SUPT3H: variants seen among roughly 807,000 people sequenced by gnomAD.
The protein encoded by SUPT3H is SPT3 homolog, SAGA and STAGA complex component.
Under a neutral mutation model 44.3 loss-of-function variants are expected in SUPT3H, and 44 were observed. The observed-to-expected ratio is 0.99, with a 90% confidence interval of 0.78 to 1.28. The LOEUF (loss-of-function observed/expected upper bound fraction) is 1.28. Ranked by LOEUF, SUPT3H falls within the 50% of genes most tolerant of loss-of-function variation. SUPT3H has a pLI of 0.00. For missense variants in SUPT3H, 380 were observed against 387.1 expected (o/e 0.98, Z 0.15); for synonymous variants, 124 against 125.6 (o/e 0.99, Z 0.09).
intron 2 of SUPT3H, among the ~76,000 whole-genome samples, chr6:45,164,013 A>G (rs941680971): frequency 2.0e-5 from 3 of 152,174 alleles, no homozygotes; most frequent in Non-Finnish European, 4.4e-5. Flanking sequence ...TTTCATGATC[A>G]TTAACAAACA....
intron 1 of SUPT3H, among the ~76,000 whole-genome samples, chr6:45,368,209 T>C (rs1359129438): frequency 1.3e-5 from 2 of 152,194 alleles, no homozygotes; most frequent in African/African-American, 4.8e-5. Flanking sequence ...TGAATTCAGA[T>C]GTGCAGATTG....
At chr6:44,958,584 G>A (rs1268955154) in intron 7 of SUPT3H, among the ~76,000 whole-genome samples, 2 of 152,226 alleles carry the variant, frequency 1.3e-5, no homozygotes, top group East Asian at 1.9e-4. Flanking sequence ...CATATAAGGG[G>A]GGACCTGGCG....
intron 10 of SUPT3H, among the ~76,000 whole-genome samples, chr6:44,849,225 T>TAA: frequency 7.8e-6 from 1 of 128,624 alleles, no homozygotes; most frequent in South Asian, 3.3e-4. Flanking sequence ...GAATACTTTT[T>TAA]TTTTTTTTTT....
At chr6:45,258,447 G>A (rs1330791083) in intron 2 of SUPT3H, among the ~76,000 whole-genome samples, 2 of 152,134 alleles carry the variant, frequency 1.3e-5, no homozygotes, top group Non-Finnish European at 2.9e-5. Context: ...GGTAAATCTT[G>A]ATCAGTCAAA....
chr6:45,007,683 T>C (rs1782904220), intron 5 of SUPT3H, among the ~76,000 whole-genome samples: 1 of 152,090 alleles, frequency 6.6e-6, no homozygotes, highest in East Asian at 1.9e-4. Flanking sequence ...ACGTTCTGTC[T>C]TAGCTTCCTC....
chr6:45,126,821 C>A (rs892081079), intron 2 of SUPT3H, among the ~76,000 whole-genome samples: 10 of 152,018 alleles, frequency 6.6e-5, no homozygotes, highest in African/African-American at 2.4e-4. Context: ...ATAATAATTT[C>A]TAAAGTTTAA....
intron 2 of SUPT3H, among the ~76,000 whole-genome samples, chr6:45,238,237 G>A (rs111408318): frequency 1.3e-5 from 2 of 152,076 alleles, no homozygotes; most frequent in Non-Finnish European, 2.9e-5. Flanking sequence ...TGCAAAATTC[G>A]ATTTCTTGCA....
At chr6:45,107,364 A>G (rs1166136514) in intron 2 of SUPT3H, among the ~76,000 whole-genome samples, 2 of 152,204 alleles carry the variant, frequency 1.3e-5, no homozygotes, top group East Asian at 3.8e-4. Flanking sequence ...TGTGGGGACA[A>G]GAAAGGTAGG....
chr6:45,112,417 G>C (rs1482696329), intron 2 of SUPT3H, among the ~76,000 whole-genome samples: 1 of 151,892 alleles, frequency 6.6e-6, no homozygotes, highest in Non-Finnish European at 1.5e-5. Context: ...TAAAAAAAAA[G>C]GTGGGGGGTG....
intron 2 of SUPT3H, among the ~76,000 whole-genome samples, chr6:45,275,368 CA>C (rs1340473798): frequency 1.1e-4 from 17 of 152,138 alleles, no homozygotes; most frequent in African/African-American, 3.1e-4. Flanking sequence ...TTTACTTTAC[CA>C]TTTTTTTAGA....
Position 45,302,063 on chromosome 6 carries a change from G to C in SUPT3H, c.101+63138C>G, listed in dbSNP as rs570952594. On this transcript the variant is annotated intron_variant, in intron 2 of 10. Coordinates refer to ENST00000371459, the MANE Select transcript of SUPT3H (RefSeq NM_003599.4). ...GTTTACCTGGAGCCAGCATGATAAG[G>C]AAGTCCCCTCTGCGTCAATTGTATG... Among the ~76,000 whole-genome samples, 4 of 152,258 alleles carry C rather than the reference G, an allele frequency of 2.6e-5. No individual in the cohort carries two copies. The East Asian group carries it at 7.7e-4, about 29-fold the overall frequency.
At chr6:44,890,085 C>T (rs533575851) in intron 10 of SUPT3H, among the ~76,000 whole-genome samples, 5 of 151,414 alleles carry the variant, frequency 3.3e-5, no homozygotes, top group South Asian at 2.1e-4. Flanking sequence ...GTTAGAATGG[C>T]GATCATTAAA....
intron 2 of SUPT3H, among the ~76,000 whole-genome samples, chr6:45,334,128 T>C (rs1788068150): frequency 6.6e-6 from 1 of 151,254 alleles, no homozygotes; most frequent in Non-Finnish European, 1.5e-5. Flanking sequence ...TAATTATACA[T>C]TAGTTACATC....
chr6:45,360,790 C>G (rs1461878357), intron 2 of SUPT3H, among the ~76,000 whole-genome samples: 1 of 152,112 alleles, frequency 6.6e-6, no homozygotes, highest in Non-Finnish European at 1.5e-5. Flanking sequence ...AACAGACATT[C>G]CAGGAAGCGG....
At chr6:45,147,865 A>G (rs1806329758) in intron 2 of SUPT3H, among the ~76,000 whole-genome samples, 1 of 152,134 alleles carries the variant, frequency 6.6e-6, no homozygotes, top group Non-Finnish European at 1.5e-5. Context: ...CAATGAATGT[A>G]AGAGAAAGAA....
intron 2 of SUPT3H, among the ~76,000 whole-genome samples, chr6:45,262,658 G>C (rs1774570345): frequency 1.3e-5 from 2 of 152,090 alleles, no homozygotes. Flanking sequence ...TTGACAAGTG[G>C]AATCTAATTA....
chr6:45,236,441 TGAG>T (rs1769166847), intron 2 of SUPT3H, among the ~76,000 whole-genome samples: 1 of 152,054 alleles, frequency 6.6e-6, no homozygotes, highest in African/African-American at 2.4e-5. Context: ...ACACTGATGA[TGAG>T]GAGGAAGGAG....
chr6:45,006,561 A>C (rs1214182489), intron 5 of SUPT3H, among the ~76,000 whole-genome samples: 1 of 152,028 alleles, frequency 6.6e-6, no homozygotes, highest in Non-Finnish European at 1.5e-5. Context: ...AACAGTTTCC[A>C]TTATTATTTA....
At position 44,862,568 on chromosome 6, in the gene SUPT3H, T is replaced by C. The variant is rs528585461; in HGVS notation, c.913-32711A>G. ...GGCAGGCACCTGTAACCCCAGCTACTTGGGAGGCTGAGGCAGGGAGAATTG... is the reference window on the plus strand; with the variant it reads ...GGCAGGCACCTGTAACCCCAGCTACCTGGGAGGCTGAGGCAGGGAGAATTG... On this transcript the variant is annotated intron_variant, in intron 10 of 10. Coordinates refer to ENST00000371459, the MANE Select transcript of SUPT3H (RefSeq NM_003599.4). 8.6e-5 allele frequency among the ~76,000 whole-genome samples: 13 copies of C among 151,498 alleles called. No homozygotes were observed. The East Asian group carries it at 2.3e-3, about 27-fold the overall frequency.
Sources: allele counts gnomAD v4.1 joint callset (sites outside exome capture counted in the v4.1 genomes callset), GRCh38; gene constraint gnomAD v4.1.1; transcripts MANE v1.5; gene names NCBI Gene and HGNC (gene_info 2026-07-23, HGNC 2026-07-21).